The following EHBP1 variants were observed in gnomAD, a reference collection of about 807,000 sequenced individuals.
The protein encoded by EHBP1 is EH domain-binding protein 1.
In EHBP1, 55 loss-of-function variants were observed where a neutral mutation model predicts 144.0. That is an observed-to-expected ratio of 0.38 (90% CI 0.31 to 0.48). The LOEUF is 0.48. Among genes scored for constraint, EHBP1 ranks in the 20% least tolerant of loss-of-function variants. The probability of loss-of-function intolerance (pLI) is 0.98; values close to 1 mark genes in which losing one functional copy is unlikely to be tolerated. For synonymous variants in EHBP1, 469 were observed against 472.7 expected (o/e 0.99, Z 0.10); for missense variants, 1,200 against 1,364.2 (o/e 0.88, Z 1.90).
intron 10 of EHBP1, among the ~76,000 whole-genome samples, chr2:62,927,941 T>C (rs569236614): frequency 2.0e-5 from 3 of 151,864 alleles, no homozygotes; most frequent in Admixed American, 2.0e-4. Context: ...CAATAACAGA[T>C]GGAAAACTGA....
chr2:62,794,936 T>C (rs2043433910), intron 5 of EHBP1, among the ~76,000 whole-genome samples: 1 of 152,012 alleles, frequency 6.6e-6, no homozygotes, highest in Non-Finnish European at 1.5e-5. Flanking sequence ...ATCTTCTCCA[T>C]ATAAAGTGAA....
intron 2 of EHBP1, among the ~76,000 whole-genome samples, chr2:62,741,811 CA>C (rs1276564757): frequency 6.6e-6 from 1 of 151,878 alleles, no homozygotes; most frequent in African/African-American, 2.4e-5. Context: ...AATATAATAA[CA>C]AAAAATAATA....
At chr2:62,722,833 G>T (rs182377061) in intron 2 of EHBP1, among the ~76,000 whole-genome samples, 2 of 152,318 alleles carry the variant, frequency 1.3e-5, no homozygotes, top group Admixed American at 6.5e-5. Flanking sequence ...CTCTGCATCA[G>T]GAGTCACATG....
intron 9 of EHBP1, among the ~76,000 whole-genome samples, chr2:62,870,184 CA>C (rs1171309563): frequency 2.0e-5 from 3 of 151,998 alleles, no homozygotes; most frequent in Admixed American, 2.0e-4. Context: ...TAGCTTTGTG[CA>C]AAAGGAGAAA....
At chr2:62,720,808 A>G (rs1438439305) in intron 2 of EHBP1, among the ~76,000 whole-genome samples, 1 of 152,090 alleles carries the variant, frequency 6.6e-6, no homozygotes, top group Non-Finnish European at 1.5e-5. Flanking sequence ...ATACACTAAC[A>G]CTAATGACAG....
At chr2:62,961,018 A>T (rs892213175) in intron 14 of EHBP1, among the ~76,000 whole-genome samples, 1 of 152,190 alleles carries the variant, frequency 6.6e-6, no homozygotes, top group African/African-American at 2.4e-5. Flanking sequence ...CTTGAATCAC[A>T]ACACTACAAA....
intron 2 of EHBP1, among the ~76,000 whole-genome samples, chr2:62,715,376 A>G (rs1248588959): frequency 6.6e-6 from 1 of 151,918 alleles, no homozygotes; most frequent in East Asian, 1.9e-4. Context: ...GGCCTCCCAA[A>G]GTGCTGGGAT....
chr2:62,696,435 C>A (rs2034095170), intron 1 of EHBP1, among the ~76,000 whole-genome samples: 1 of 151,246 alleles, frequency 6.6e-6, no homozygotes, highest in African/African-American at 2.4e-5. Flanking sequence ...GGGTGAGCTA[C>A]CATGCCCAGC....
At chr2:63,016,190 A>G (rs1457722680) in intron 19 of EHBP1, among the ~76,000 whole-genome samples, 1 of 152,196 alleles carries the variant, frequency 6.6e-6, no homozygotes, top group African/African-American at 2.4e-5. Context: ...ATCTGTTGAT[A>G]GACTCTAAGA....
intron 1 of EHBP1, among the ~76,000 whole-genome samples, chr2:62,681,158 C>G (rs1003040569): frequency 2.0e-5 from 3 of 150,942 alleles, no homozygotes; most frequent in African/African-American, 7.3e-5. Flanking sequence ...ACTAAAAATA[C>G]AAAGATTAGC....
intron 5 of EHBP1, among the ~76,000 whole-genome samples, chr2:62,783,402 C>G (rs1006718986): frequency 6.6e-6 from 1 of 152,274 alleles, no homozygotes; most frequent in Non-Finnish European, 1.5e-5. Context: ...TCCAACCTGA[C>G]ACTTCCCTTC....
At chr2:63,020,323 C>CAAA (rs1001418542) in intron 19 of EHBP1, among the ~76,000 whole-genome samples, 13 of 45,214 alleles carry the variant, frequency 2.9e-4, no homozygotes, top group East Asian at 1.3e-3. Flanking sequence ...GACTCTGTCT[C>CAAA]AAAAAAAAAA....
At chr2:62,741,089 G>A (rs1323032330) in intron 2 of EHBP1, among the ~76,000 whole-genome samples, 2 of 152,070 alleles carry the variant, frequency 1.3e-5, no homozygotes, top group Non-Finnish European at 2.9e-5. Flanking sequence ...GGTCACTCAG[G>A]GGCCCAGGCT....
intron 21 of EHBP1, among the ~76,000 whole-genome samples, chr2:63,040,645 A>C (rs1303199318): frequency 5.3e-5 from 8 of 152,226 alleles, no homozygotes; most frequent in African/African-American, 1.7e-4. Flanking sequence ...TTGTCTGTAT[A>C]TATATGACTG....
Position 62,979,214 on chromosome 2 carries a change from G to T in EHBP1, c.2487G>T (p.Gln829His). ...SDQQDEERRR[Q>H]LRERARQLIA... is the part of the protein sequence containing the mutation. ...AGCAAGATGAAGAGCGACGTCGGCA[G>T]CTGAGAGAGAGAGCTCGTCAGCTAA... The change falls in exon 15 of 23, where the codon CAG becomes CAT. Residue 829 changes from glutamine to histidine, a missense_variant. By Grantham distance (24) the Gln-to-His change is conservative. Around this residue, in one of 6 missense-constraint regions of EHBP1, gnomAD observed 543 missense variants for 513.1 expected, o/e 1.06. Coordinates refer to ENST00000431489, the MANE Select transcript of EHBP1 (RefSeq NM_001142616.3). 2 of 1,613,618 alleles carry T rather than the reference G, an allele frequency of 1.2e-6. No homozygotes were observed. The highest frequency in any genetic ancestry group is 2.2e-5 in the South Asian group (2 of 90,984).
chr2:62,867,505 G>A (rs932558017), intron 9 of EHBP1, among the ~76,000 whole-genome samples: 1 of 151,966 alleles, frequency 6.6e-6, no homozygotes, highest in Non-Finnish European at 1.5e-5. Context: ...AAAAAACTCA[G>A]GGATAAATTT....
intron 2 of EHBP1, among the ~76,000 whole-genome samples, chr2:62,738,128 A>G (rs746924288): frequency 5.9e-5 from 9 of 151,976 alleles, no homozygotes; most frequent in Non-Finnish European, 1.3e-4. Flanking sequence ...TCAGCAACAT[A>G]CTTTCAACTG....
intron 5 of EHBP1, among the ~76,000 whole-genome samples, chr2:62,774,102 C>T (rs1010920548): frequency 1.3e-5 from 2 of 151,308 alleles, no homozygotes; most frequent in Admixed American, 6.6e-5. Context: ...TGGGCATAGT[C>T]TCTCACACCT....
intron 8 of EHBP1, among the ~76,000 whole-genome samples, chr2:62,862,006 C>T (rs1000960838): frequency 6.6e-6 from 1 of 152,134 alleles, no homozygotes; most frequent in Non-Finnish European, 1.5e-5. Context: ...AAAAACTTTA[C>T]AGTCTCTCTT....
Sources: allele counts gnomAD v4.1 joint callset (sites outside exome capture counted in the v4.1 genomes callset), GRCh38; gene constraint gnomAD v4.1.1; regional missense constraint gnomAD v4.1.1; transcripts MANE v1.5; gene names NCBI Gene and HGNC (gene_info 2026-07-23, HGNC 2026-07-21).